HGF: variants seen among roughly 807,000 people sequenced by gnomAD.
HGF encodes the protein hepatocyte growth factor, also known as fibroblast-derived tumor cytotoxic factor.
HGF carries 39 observed loss-of-function variants against 111.6 expected under a neutral mutation model. The observed-to-expected ratio is 0.35, with a 90% CI of 0.27 to 0.46. The LOEUF (loss-of-function observed/expected upper bound fraction) is 0.46. HGF is among the 20% of genes least tolerant of loss of function. The pLI is 1.00. For synonymous variants in HGF, 285 were observed against 294.8 expected, an observed-to-expected ratio of 0.97 and a Z score of 0.34; for missense variants, 735 against 910.5, an observed-to-expected ratio of 0.81 and a Z score of 2.48.
chr7:81,764,110 C>CA (rs1789235458), intron 1 of HGF, among the ~76,000 whole-genome samples: 1 of 151,842 alleles, frequency 6.6e-6, no homozygotes, highest in African/African-American at 2.4e-5. Context: ...TGAAATGTGT[C>CA]AAAAAAGGAG....
chr7:81,747,325 C>A (rs550606319), intron 5 of HGF, among the ~76,000 whole-genome samples: 2 of 151,908 alleles, frequency 1.3e-5, no homozygotes, highest in Non-Finnish European at 2.9e-5. Flanking sequence ...GGCGACAGAG[C>A]GAGACTCCGT....
In HGF at chr7:81,716,072, C is replaced by T. The variant is rs559235034; in HGVS notation, c.1405+1160G>A. Among the ~76,000 whole-genome samples, 185 of 152,232 alleles carry T rather than the reference C, an allele frequency of 1.2e-3. 1 individual carries two copies. Among genetic ancestry groups the T allele is most frequent in the African/African-American group, 3.9e-3 (162 of 41,550 alleles). On this transcript the variant is annotated intron_variant, in intron 11 of 17. Transcript: ENST00000222390. Reference sequence around the variant, plus strand: ...TTTTCACTCAATAACATATTTAAGACGTACTTCCATCTCAATACGTATTAC... The same window carrying T: ...TTTTCACTCAATAACATATTTAAGATGTACTTCCATCTCAATACGTATTAC...
At chr7:81,727,867 G>T (rs1425388505) in intron 8 of HGF, among the ~76,000 whole-genome samples, 2 of 152,150 alleles carry the variant, frequency 1.3e-5, no homozygotes, top group Non-Finnish European at 1.5e-5. Context: ...TCTAGATTAA[G>T]CAAGAATGAA....
At chr7:81,733,275 T>C (rs1461536708) in intron 7 of HGF, among the ~76,000 whole-genome samples, 1 of 151,850 alleles carries the variant, frequency 6.6e-6, no homozygotes, top group East Asian at 1.9e-4. Context: ...TTTTAAATTA[T>C]AGAATACAAA....
intron 7 of HGF, among the ~76,000 whole-genome samples, chr7:81,739,106 T>TTA (rs1401970748): frequency 2.6e-5 from 4 of 152,130 alleles, no homozygotes; most frequent in African/African-American, 4.8e-5. Flanking sequence ...AATGCCTCTC[T>TTA]TATATATATG....
At chr7:81,743,099 A>G (rs2116018121) in intron 7 of HGF, 2 of 776,728 alleles carry the variant, frequency 2.6e-6, no homozygotes, top group East Asian at 2.7e-5. Flanking sequence ...ATAACATTAG[A>G]ATGTTTAGGC....
At chr7:81,735,391 A>T (rs1057262069) in intron 7 of HGF, among the ~76,000 whole-genome samples, 1 of 152,092 alleles carries the variant, frequency 6.6e-6, no homozygotes, top group Admixed American at 6.6e-5. Context: ...TTTTCCCTTG[A>T]AAAAGGGTAT....
intron 1 of HGF, among the ~76,000 whole-genome samples, chr7:81,763,336 A>G (rs912362133): frequency 7.2e-5 from 11 of 152,182 alleles, no homozygotes; most frequent in Non-Finnish European, 1.3e-4. Flanking sequence ...AAAACTGTAC[A>G]GTGGACAAAT....
intron 11 of HGF, among the ~76,000 whole-genome samples, chr7:81,717,007 T>C (rs1289841658): frequency 6.6e-6 from 1 of 152,114 alleles, no homozygotes; most frequent in Non-Finnish European, 1.5e-5. Flanking sequence ...AGAATCTCCA[T>C]TAAAATGTTA....
intron 2 of HGF, among the ~76,000 whole-genome samples, chr7:81,760,678 TGC>T (rs1269755103): frequency 3.2e-5 from 3 of 94,230 alleles, no homozygotes; most frequent in East Asian, 3.1e-4. Flanking sequence ...TCTATGTGCG[TGC>T]GTGTGTGTGT....
chr7:81,755,153 A>G (rs945809183), intron 4 of HGF: 2 of 152,102 alleles, frequency 1.3e-5, no homozygotes, highest in African/African-American at 2.4e-5. Context: ...TGTAGATATC[A>G]GGTCACCTGA....
chr7:81,706,357 G>C lies in HGF; in HGVS notation c.1687C>G (p.Gln563Glu), dbSNP rs376043671. Residue 563 changes from glutamine (Q) to glutamate (E), a missense_variant, in exon 15 of 18, where the codon CAG becomes GAG. Coordinates refer to ENST00000222390, the MANE Select transcript of HGF (RefSeq NM_000601.6). ...VHGRGDEKCK[Q>E]VLNVSQLVYG... ...ACCAGCTGGGAAACATTGAGAACCT[G>C]TTTGCATTTCTCATCTCCTCTTCCG... The C allele has an allele frequency of 6.2e-7, 1 of 1,609,728 alleles. No individual in the cohort carries two copies. The highest frequency in any genetic ancestry group is 8.5e-7 in the Non-Finnish European group (1 of 1,176,306).
chr7:81,730,933 C>A (rs557982141), intron 7 of HGF, among the ~76,000 whole-genome samples: 1 of 152,300 alleles, frequency 6.6e-6, no homozygotes, highest in Middle Eastern at 3.4e-3. Flanking sequence ...GGATGTACCA[C>A]TGTACGAAGG....
At chr7:81,752,296 A>G (rs113589510) in intron 4 of HGF, 34 bp from the exon 5 acceptor site, 23 of 1,601,142 alleles carry the variant, frequency 1.4e-5, no homozygotes, top group African/African-American at 1.3e-4. Flanking sequence ...ACAGTATAAG[A>G]GCATGCAACT....
chr7:81,737,631 G>T (rs2115980146), intron 7 of HGF, among the ~76,000 whole-genome samples: 1 of 152,084 alleles, frequency 6.6e-6, no homozygotes, highest in African/African-American at 2.4e-5. Context: ...TTCATTTAAG[G>T]TGCCATTAAA....
chr7:81,728,457 C>T (rs1790076733), intron 8 of HGF, among the ~76,000 whole-genome samples: 1 of 152,184 alleles, frequency 6.6e-6, no homozygotes, highest in Non-Finnish European at 1.5e-5. Flanking sequence ...GGCAGTGACA[C>T]TATCTCCTTT....
intron 2 of HGF, 43 bp downstream of exon 2, chr7:81,762,664 T>C: frequency 7.3e-7 from 1 of 1,374,320 alleles, no homozygotes; most frequent in African/African-American, 1.4e-5. Flanking sequence ...ACATGCATGC[T>C]ATATTTGGAA....
Position 81,725,871 on chromosome 7 carries a change from G to A in HGF, c.1168+19C>T, listed in dbSNP as rs2115903236. On this transcript the variant is annotated intron_variant, in intron 9 of 17. Transcript: ENST00000222390. ...CCCTGAATTTAATCATGCCCACCCT[G>A]CAGAATGTCAGCTATTACCTTGTCC... 2 of 1,613,798 alleles carry A rather than the reference G, an allele frequency of 1.2e-6. No individual in the cohort carries two copies. The highest frequency in any genetic ancestry group is 1.7e-6 in the Non-Finnish European group (2 of 1,179,734).
chr7:81,750,549 G>T (rs1788448527), intron 5 of HGF, among the ~76,000 whole-genome samples: 1 of 152,128 alleles, frequency 6.6e-6, no homozygotes. Context: ...ATTTATTCAA[G>T]GACTTCTTTT....
Sources: gnomAD v4.1 joint callset for allele counts (sites outside exome capture counted in the v4.1 genomes callset) on GRCh38, gnomAD v4.1.1 for gene constraint, MANE v1.5 for transcripts, NCBI Gene and HGNC (gene_info 2026-07-23, HGNC 2026-07-21) for gene names.